Variants in POLG observed in about 807,000 individuals in gnomAD.
The protein encoded by POLG is DNA polymerase gamma, catalytic subunit.
POLG carries 110 observed loss-of-function variants against 155.4 expected under a neutral mutation model. The observed-to-expected ratio is 0.71, with a 90% CI of 0.61 to 0.83. POLG has a LOEUF of 0.83. POLG is among the 40% of genes least tolerant of loss of function. The probability of loss-of-function intolerance (pLI) is 0.00; values close to 1 mark genes in which losing one functional copy is unlikely to be tolerated. For missense variants in POLG, 1,685 were observed against 1,627.5 expected (o/e 1.04, Z -0.61); for synonymous variants, 701 against 631.5 (o/e 1.11, Z -1.65).
At chr15:89,332,766 A>C (rs781746205) in intron 2 of POLG, among the ~76,000 whole-genome samples, 3 of 152,148 alleles carry the variant, frequency 2.0e-5, no homozygotes, top group Non-Finnish European at 4.4e-5. Context: ...TTTCAGACTA[A>C]CTTCTCATGA....
rs370496256 is a variant in POLG at position 89,324,257 on chromosome 15, G to A, written c.1950-30C>T. 20 of 1,608,602 alleles carry A rather than the reference G, an allele frequency of 1.2e-5. No homozygotes were observed. In the Admixed American group the frequency reaches 1.3e-4, roughly 11 times the overall value. On this transcript the variant is annotated intron_variant, in intron 10 of 22. Transcript: ENST00000268124. Reference sequence around the variant, plus strand: ...GCAGAGAACAGTAGCAGCAGCAGCCGCTGATTACCAGATGCCCACTCTGGG... The same window carrying A: ...GCAGAGAACAGTAGCAGCAGCAGCCACTGATTACCAGATGCCCACTCTGGG...
chr15:89,317,471 A>C lies in POLG; in HGVS notation c.3548T>G (p.Val1183Gly). The C allele has an allele frequency of 6.2e-7, 1 of 1,614,024 alleles. No homozygotes were observed. The highest frequency in any genetic ancestry group is 8.5e-7 in the Non-Finnish European group (1 of 1,179,944). The change falls in exon 22 of 23, where the codon GTC becomes GGC. Residue 1183 changes from valine (V) to glycine (G), a missense_variant. Coordinates refer to ENST00000268124, the MANE Select transcript of POLG (RefSeq NM_002693.3). ...CTTCCTGAGGCACCGGTCAATATCG[A>C]CTGCACTGAAAAAGGCGACTGACTG... is the stretch of plus-strand genomic sequence containing the variant. ...LPQSVAFFSAVDIDRCLRKEV... is the reference protein window; with the variant it reads ...LPQSVAFFSAGDIDRCLRKEV...
chr15:89,328,936 C>G lies in POLG; in HGVS notation c.1023+7G>C, dbSNP rs2055559130. 1 of 1,614,020 alleles carries G rather than the reference C, an allele frequency of 6.2e-7. No homozygotes were observed. The highest frequency in any genetic ancestry group is 1.1e-5 in the South Asian group (1 of 91,086). On this transcript the variant is annotated splice_region_variant and intron_variant, in intron 4 of 22. Coordinates refer to ENST00000268124, the MANE Select transcript of POLG (RefSeq NM_002693.3). ...TATGCTCCTGCCCACCGGCAGTGTGCTCTCACCGCTGGGCCTCTTCTGGCT... is the reference window on the plus strand; with the variant it reads ...TATGCTCCTGCCCACCGGCAGTGTGGTCTCACCGCTGGGCCTCTTCTGGCT...
At chr15:89,329,173 C>T (rs915458088) in intron 3 of POLG, 63 bp from the exon 4 acceptor site, 8 of 1,448,598 alleles carry the variant, frequency 5.5e-6, no homozygotes, top group Non-Finnish European at 6.6e-6. Context: ...GGCCAGCCCA[C>T]CACTGCTTGG....
chr15:89,321,983 G>A lies in POLG; in HGVS notation c.2459C>T (p.Ala820Val), dbSNP rs1327948068. Residue 820 changes from alanine to valine, a missense_variant, in exon 15 of 23, where the codon GCT becomes GTT. By Grantham distance (64) the Ala-to-Val change is moderately conservative (BLOSUM62 0). Transcript: ENST00000268124. ...ATACCTGATCACAGCACGGGGCAGA[G>A]CTGACCTGGGCAGCCACACCACCAT... is the stretch of plus-strand genomic sequence containing the variant. ...SQMVVWLPRS[A>V]LPRAVIRHPD... is the part of the protein sequence containing the mutation. 1.2e-6 allele frequency: 2 copies of A among 1,614,036 alleles called. No individual in the cohort carries two copies. The highest frequency in any genetic ancestry group is 2.2e-5 in the East Asian group (1 of 44,890).
chr15:89,327,998 G>T (rs2055545363), intron 6 of POLG, among the ~76,000 whole-genome samples: 2 of 152,056 alleles, frequency 1.3e-5, no homozygotes, highest in African/African-American at 4.8e-5. Context: ...TATCAGTAAA[G>T]CTTCTAGCCA....
Position 89,333,376 on chromosome 15 carries a change from G to T in POLG, c.379C>A (p.Leu127Met), listed in dbSNP as rs749250549. ...AVPLPDVELR[L>M]PPLYGDNLDQ... ...AGGTTGTCCCCGTAGAGGGGCGGCA[G>T]GCGCAGCTCCACGTCGGGCAAGGGC... The change falls in exon 2 of 23, where the codon CTG (leucine) becomes ATG (methionine). Residue 127 changes from leucine to methionine, a missense_variant. Leu to Met is a conservative substitution (Grantham distance 15). Around this residue, in one of 3 missense-constraint regions of POLG, gnomAD observed 1,210 missense variants for 1,167.1 expected, o/e 1.04. Transcript: ENST00000268124. The T allele has an allele frequency of 1.3e-6, 2 of 1,580,598 alleles. No individual in the cohort carries two copies. The highest frequency in any genetic ancestry group is 1.7e-6 in the Non-Finnish European group (2 of 1,166,428).
Position 89,321,779 on chromosome 15 carries a change from C to T in POLG, c.2555G>A (p.Arg852His), listed in dbSNP as rs1567187093. 6.2e-7 allele frequency: 1 copy of T among 1,614,132 alleles called. No individual in the cohort carries two copies. The highest frequency in any genetic ancestry group is 8.5e-7 in the Non-Finnish European group (1 of 1,180,012). Residue 852 changes from arginine to histidine, a missense_variant, in exon 16 of 23, where the codon CGC becomes CAC. Arg to His is a conservative substitution (Grantham distance 29). This residue lies in a region of POLG where 1,210 missense variants were observed against 1,167.1 expected (regional missense o/e 1.04). Coordinates refer to ENST00000268124, the MANE Select transcript of POLG (RefSeq NM_002693.3). ...PQVVTAGTIT[R>H]RAVEPTWLTA... is the part of the protein sequence containing the mutation. ...GAGCCATGTGGGCTCCACAGCCCGG[C>T]GAGTGATGGTGCCGGCAGTCACCAC...
intron 2 of POLG, chr15:89,332,451 A>G (rs2055605528): frequency 6.6e-6 from 1 of 152,312 alleles, no homozygotes; most frequent in Non-Finnish European, 1.5e-5. Flanking sequence ...TAGCACTTAG[A>G]AAGTTATTTA....
intron 21 of POLG, chr15:89,317,980 G>T: frequency 3.3e-6 from 1 of 304,220 alleles, no homozygotes; most frequent in African/African-American, 2.2e-5. Context: ...CTGGTTCTGA[G>T]TGGCAGATCA....
At chr15:89,325,133 A>T (rs1567189477) in intron 10 of POLG, among the ~76,000 whole-genome samples, 10 of 73,780 alleles carry the variant, frequency 1.4e-4, no homozygotes, top group East Asian at 9.4e-4. Context: ...TGAGTGAGAG[A>T]GTGAGTGAGA....
At chr15:89,323,318 T>C in intron 13 of POLG, 86 bp downstream of exon 13, 2 of 812,840 alleles carry the variant, frequency 2.5e-6, no homozygotes, top group Admixed American at 3.9e-5. Context: ...AAAAGGAAAG[T>C]CTCAGGTGTG....
rs1383637569 is a variant in POLG at position 89,329,060 on chromosome 15, T to C, written c.906A>G (p.Ser302=). The C allele has an allele frequency of 1.2e-6, 2 of 1,613,014 alleles. No homozygotes were observed. The highest frequency in any genetic ancestry group is 1.9e-4 in the Middle Eastern group (1 of 5,362). ...LDTMSMHMAI[S]GLSSFQRSLW... Reference sequence around the variant, plus strand: ...GACTGCGCTGGAAGCTGCTTAGCCCTGAGATGGCCATGTGCATGCTCATGG... The same window carrying C: ...GACTGCGCTGGAAGCTGCTTAGCCCCGAGATGGCCATGTGCATGCTCATGG... The change falls in exon 4 of 23, where the codon TCA becomes TCG. Residue 302 remains serine, a synonymous_variant. Coordinates refer to ENST00000268124, the MANE Select transcript of POLG (RefSeq NM_002693.3).
At chr15:89,318,793 T>A in intron 20 of POLG, 44 bp from the exon 21 acceptor site, 1 of 1,576,604 alleles carries the variant, frequency 6.3e-7, no homozygotes, top group Non-Finnish European at 8.7e-7. Context: ...CTATGCTACA[T>A]ACCAATTAAC....
chr15:89,333,586 G>GT lies in POLG; in HGVS notation c.168_169insA (p.Gln57ThrfsTer187). On this transcript the variant is annotated frameshift_variant, in exon 2 of 23. Coordinates refer to ENST00000268124, the MANE Select transcript of POLG (RefSeq NM_002693.3). LOFTEE classifies it high-confidence loss of function. ...TCCGAGGATAGCACTTGCGGCTGCT[G>GT]AGGCTGCTGTTGCTGCTGCTGCTGC... The GT allele has an allele frequency of 6.2e-7, 1 of 1,608,788 alleles. No individual in the cohort carries two copies. Among genetic ancestry groups the GT allele is most frequent in the Non-Finnish European group, 8.5e-7 (1 of 1,178,796 alleles).
At chr15:89,325,185 AGT>A (rs1190675562) in intron 10 of POLG, among the ~76,000 whole-genome samples, 5 of 98,826 alleles carry the variant, frequency 5.1e-5, no homozygotes, top group African/African-American at 1.2e-4. Context: ...TGAGAGAGTG[AGT>A]GAGTGAGAGA....
intron 22 of POLG, 173 bp from the exon 23 acceptor site, chr15:89,317,000 G>GTGTC: frequency 4.6e-6 from 3 of 645,748 alleles, no homozygotes; most frequent in Non-Finnish European, 8.3e-6. Flanking sequence ...TTATATAAGT[G>GTGTC]TGTCTTAGAT....
chr15:89,316,981 GTTTTC>G lies in POLG; in HGVS notation c.3644-159_3644-155del, dbSNP rs1030756836. 7.6e-5 allele frequency: 51 copies of G among 674,296 alleles called. No individual in the cohort carries two copies. In the African/African-American group the frequency reaches 8.7e-4, roughly 11 times the overall value. 41.8% of individuals were successfully genotyped at this position (674,296 alleles called of 1,614,324 possible). ...GTAATGTTACATGTTAGGAGGGTCT[GTTTTC>G]TTTTTATATAAGTGTGTCTTAGATA... On this transcript the variant is annotated intron_variant, in intron 22 of 22. Coordinates refer to ENST00000268124, the MANE Select transcript of POLG (RefSeq NM_002693.3).
At chr15:89,325,175 T>TGA (rs774147026) in intron 10 of POLG, among the ~76,000 whole-genome samples, 10 of 49,406 alleles carry the variant, frequency 2.0e-4, no homozygotes, top group Non-Finnish European at 3.5e-4. Context: ...AGTGAGAGAG[T>TGA]GAGAGAGTGA....
Sources: gnomAD v4.1 joint callset for allele counts (sites outside exome capture counted in the v4.1 genomes callset) on GRCh38, gnomAD v4.1.1 for gene constraint, gnomAD v4.1.1 regional missense constraint, MANE v1.5 for transcripts, NCBI Gene and HGNC (gene_info 2026-07-23, HGNC 2026-07-21) for gene names.